REXO4: variants seen among roughly 807,000 people sequenced by gnomAD.
REXO4 encodes REX4 homolog, 3'-5' exonuclease.
In REXO4, 29 loss-of-function variants were observed where a neutral mutation model predicts 39.9. The ratio of observed to expected loss-of-function variants is 0.73; its 90% CI spans 0.54 to 0.99. The LOEUF is 0.99. Among genes scored for constraint, REXO4 ranks in the 50% least tolerant of loss-of-function variants. The pLI, the probability that REXO4 is intolerant of heterozygous loss-of-function variation, is 0.00. For synonymous variants in REXO4, 184 were observed against 206.2 expected (o/e 0.89, Z 0.92); for missense variants, 524 against 546.5 (o/e 0.96, Z 0.41).
At chr9:133,417,498 T>A in intron 1 of REXO4, 122 bp downstream of exon 1, 1 of 1,026,838 alleles carries the variant, frequency 9.7e-7, no homozygotes, top group Non-Finnish European at 1.4e-6. Context: ...GAAAAGCTGT[T>A]TACAAGATTT....
At chr9:133,410,934 TAA>T in intron 5 of REXO4, 49 bp downstream of exon 5, 1 of 1,383,644 alleles carries the variant, frequency 7.2e-7, no homozygotes, top group Non-Finnish European at 1.0e-6. Context: ...GGCGTGAGTG[TAA>T]CACCCACGGA....
rs781976855 is a variant in REXO4 at position 133,412,806 on chromosome 9, T to C, written c.688A>G (p.Ser230Gly). ...CCGAAGGCCTGCTCTTTCACGAGGC[T>C]GAGGCTGACGCTGCCCTCGCTCTGA... ...LGQSEGSVSLSLVKEQAFGGL... is the reference protein window; with the variant it reads ...LGQSEGSVSLGLVKEQAFGGL... Residue 230 changes from serine to glycine, a missense_variant, in exon 3 of 8, where the codon AGC (serine) becomes GGC (glycine). Physicochemically the swap from Ser to Gly is moderately conservative, Grantham distance 56. Coordinates refer to ENST00000371942, the MANE Select transcript of REXO4 (RefSeq NM_020385.4). The C allele has an allele frequency of 6.8e-6, 11 of 1,613,608 alleles. No homozygotes were observed. The highest frequency in any genetic ancestry group is 9.3e-6 in the Non-Finnish European group (11 of 1,180,032).
At chr9:133,411,151 T>C (rs1162670088) in intron 4 of REXO4, 78 bp from the exon 5 acceptor site, 30 of 1,202,372 alleles carry the variant, frequency 2.5e-5, no homozygotes, top group Non-Finnish European at 3.7e-5. Flanking sequence ...GCCCCGCTCC[T>C]ACCCCTGGTC....
At chr9:133,412,717 G>A in intron 3 of REXO4, 61 bp downstream of exon 3, 1 of 1,589,192 alleles carries the variant, frequency 6.3e-7, no homozygotes, top group Non-Finnish European at 8.5e-7. Flanking sequence ...CTTCCTTGAA[G>A]AAGCCCCGCC....
intron 7 of REXO4, among the ~76,000 whole-genome samples, chr9:133,407,315 C>G (rs973765115): frequency 6.6e-6 from 1 of 152,180 alleles, no homozygotes; most frequent in Non-Finnish European, 1.5e-5. Context: ...AAAGGGAAAC[C>G]CAAAGAGGAG....
intron 1 of REXO4, among the ~76,000 whole-genome samples, chr9:133,416,935 A>T (rs1459471847): frequency 6.6e-6 from 1 of 152,104 alleles, no homozygotes. Context: ...GAACCCCATC[A>T]CATGTCTGCT....
intron 1 of REXO4, 71 bp from the exon 2 acceptor site, chr9:133,415,082 C>T (rs1309507930): frequency 7.9e-6 from 10 of 1,258,752 alleles, no homozygotes; most frequent in South Asian, 2.9e-5. Context: ...AAAAAACTTA[C>T]GTGTGTATGT....
intron 3 of REXO4, 87 bp downstream of exon 3, chr9:133,412,691 G>A: frequency 3.2e-6 from 5 of 1,540,054 alleles, no homozygotes; most frequent in Non-Finnish European, 4.4e-6. Flanking sequence ...TCACCTCAGG[G>A]AGAGGAAAGC....
chr9:133,413,481 CAG>C (rs928306935), intron 2 of REXO4, among the ~76,000 whole-genome samples: 1 of 152,110 alleles, frequency 6.6e-6, no homozygotes, highest in Non-Finnish European at 1.5e-5. Flanking sequence ...GAATATAAAA[CAG>C]AAACACATAA....
chr9:133,409,604 T>C (rs1194383363), intron 5 of REXO4, among the ~76,000 whole-genome samples: 1 of 152,192 alleles, frequency 6.6e-6, no homozygotes, highest in Non-Finnish European at 1.5e-5. Context: ...CTCTGTCACC[T>C]GGGCTGCAGT....
rs79500604 is a variant in REXO4 at position 133,408,695 on chromosome 9, C to A, written c.1074+73G>T. The stretch of plus-strand genomic sequence containing the variant: ...AACCCTTTAACCAACAAGTCAGCCA[C>A]CAGTGACCAGAAACAATGAAGTGAC... On this transcript the variant is annotated intron_variant, in intron 6 of 7. Transcript: ENST00000371942. 3.7e-3 allele frequency: 3,801 copies of A among 1,016,116 alleles called. 9 individuals are homozygous for A. Among genetic ancestry groups the A allele is most frequent in the African/African-American group, 0.011 (661 of 61,322 alleles). The allele number at this position is 1,016,116 out of a possible 1,614,324, so 62.9% of individuals were successfully genotyped here.
intron 2 of REXO4, among the ~76,000 whole-genome samples, chr9:133,413,493 A>G (rs373555185): frequency 1.3e-5 from 2 of 152,308 alleles, no homozygotes; most frequent in African/African-American, 4.8e-5. Flanking sequence ...GAAACACATA[A>G]CCCACCACCC....
intron 7 of REXO4, 82 bp downstream of exon 7, chr9:133,407,725 T>G (rs1200266001): frequency 9.3e-7 from 1 of 1,078,920 alleles, no homozygotes; most frequent in African/African-American, 1.6e-5. Flanking sequence ...ACCTCCCCCA[T>G]GTCTGTGTCA....
At chr9:133,414,540 G>A (rs782261376) in intron 2 of REXO4, 125 bp downstream of exon 2, 5 of 873,112 alleles carry the variant, frequency 5.7e-6, no homozygotes, top group Non-Finnish European at 9.7e-6. Context: ...AGTAAACAAA[G>A]GAACAGACGA....
Position 133,407,031 on chromosome 9 carries a change from C to T in REXO4, c.1191G>A (p.Val397=). 7 of 1,613,490 alleles carry T rather than the reference C, an allele frequency of 4.3e-6. No homozygotes were observed. Among genetic ancestry groups the T allele is most frequent in the Non-Finnish European group, 5.9e-6 (7 of 1,180,022 alleles). ...GGGCCATGCTCTCCCACTCCTTCTTCACCATGACGTACAGCCTCATTGCTG... is the reference window on the plus strand; with the variant it reads ...GGGCCATGCTCTCCCACTCCTTCTTTACCATGACGTACAGCCTCATTGCTG... ...AQAAMRLYVM[V]KKEWESMARD... Residue 397 remains valine, a synonymous_variant, in exon 8 of 8, where the codon GTG becomes GTA. Coordinates refer to ENST00000371942, the MANE Select transcript of REXO4 (RefSeq NM_020385.4).
rs1365799283 is a variant in REXO4, at chr9:133,414,675, G to A, written c.562C>T (p.Pro188Ser). 3 of 1,613,580 alleles carry A rather than the reference G, an allele frequency of 1.9e-6. No homozygotes were observed. The highest frequency in any genetic ancestry group is 2.5e-6 in the Non-Finnish European group (3 of 1,179,676). Residue 188 changes from proline (P) to serine (S), a missense_variant, in exon 2 of 8, where the codon CCA becomes TCA. Coordinates refer to ENST00000371942, the MANE Select transcript of REXO4 (RefSeq NM_020385.4). The part of the protein sequence containing the change: ...KRKAKEAAPA[P>S]PTEEDIWFDD... ...GTGGCCCATACTTACTCGGTGGGTG[G>A]GGCTGGGGCTGCCTCCTTAGCTTTC... is the stretch of plus-strand genomic sequence containing the variant.
intron 2 of REXO4, 149 bp from the exon 3 acceptor site, chr9:133,413,070 T>C (rs975673652): frequency 1.9e-5 from 15 of 775,388 alleles, no homozygotes; most frequent in African/African-American, 3.5e-5. Context: ...CTGCTGGCCC[T>C]GCTGCTTCTG....
In REXO4 at chr9:133,414,660, C is replaced by G; in HGVS notation, c.572+5G>C. On this transcript the variant is annotated splice_donor_5th_base_variant and intron_variant, in intron 2 of 7. Coordinates refer to ENST00000371942, the MANE Select transcript of REXO4 (RefSeq NM_020385.4). ...GTTCTCAGTGGTGAGGTGGCCCATA[C>G]TTACTCGGTGGGTGGGGCTGGGGCT... 1 of 1,613,778 alleles carries G rather than the reference C, an allele frequency of 6.2e-7. No homozygotes were observed. The highest frequency in any genetic ancestry group is 8.5e-7 in the Non-Finnish European group (1 of 1,179,696).
intron 2 of REXO4, among the ~76,000 whole-genome samples, chr9:133,413,712 T>C (rs71503190): frequency 0.058 from 8,763 of 152,322 alleles, 338 homozygotes; most frequent in Non-Finnish European, 0.087. Flanking sequence ...AAGCCATTCC[T>C]GGCCCCACTG....
Sources: gnomAD v4.1 joint callset for allele counts (sites outside exome capture counted in the v4.1 genomes callset) on GRCh38, gnomAD v4.1.1 for gene constraint, MANE v1.5 for transcripts, NCBI Gene and HGNC (gene_info 2026-07-23, HGNC 2026-07-21) for gene names.